LTBP1: variants seen among roughly 807,000 people sequenced by gnomAD.
The protein encoded by LTBP1 is latent-transforming growth factor beta-binding protein 1.
A neutral mutation model predicts 207.6 loss-of-function variants in LTBP1; 129 were observed. The ratio of observed to expected loss-of-function variants is 0.62; its 90% CI spans 0.54 to 0.72. The LOEUF is 0.72. Ranked by LOEUF, LTBP1 falls within the 30% of genes least tolerant of loss-of-function variation. The probability of loss-of-function intolerance (pLI) is 0.00; values close to 1 mark genes in which losing one functional copy is unlikely to be tolerated. For missense variants in LTBP1, 2,281 were observed against 2,217.2 expected (o/e 1.03, Z -0.58); for synonymous variants, 963 against 833.7 (o/e 1.16, Z -2.67).
intron 2 of LTBP1, among the ~76,000 whole-genome samples, chr2:32,999,946 A>T (rs1003516634): frequency 2.2e-5 from 3 of 134,792 alleles, no homozygotes; most frequent in African/African-American, 7.8e-5. Flanking sequence ...ACCAGGCCAC[A>T]GTGCTTCTCA....
At chr2:33,346,806 G>C (rs915404647) in intron 25 of LTBP1, among the ~76,000 whole-genome samples, 18 of 151,988 alleles carry the variant, frequency 1.2e-4, no homozygotes, top group Admixed American at 2.6e-4. Flanking sequence ...TACAATTCCA[G>C]AGTATCTTTT....
intron 8 of LTBP1, among the ~76,000 whole-genome samples, chr2:33,221,345 G>A (rs990522268): frequency 6.6e-6 from 1 of 152,200 alleles, no homozygotes; most frequent in African/African-American, 2.4e-5. Flanking sequence ...ATAGGAAGAG[G>A]ATTTGAAATC....
At chr2:32,993,878 C>T (rs1047588128) in intron 2 of LTBP1, among the ~76,000 whole-genome samples, 1 of 151,990 alleles carries the variant, frequency 6.6e-6, no homozygotes, top group African/African-American at 2.4e-5. Flanking sequence ...GTTGGGCATT[C>T]CTGCTACTTG....
chr2:33,072,991 G>A (rs1005300466), intron 3 of LTBP1, among the ~76,000 whole-genome samples: 2 of 152,208 alleles, frequency 1.3e-5, no homozygotes, highest in Admixed American at 6.5e-5. Context: ...CACCCCTGGG[G>A]GGAGTAGTCA....
intron 2 of LTBP1, among the ~76,000 whole-genome samples, chr2:32,989,655 C>T (rs944789309): frequency 6.6e-6 from 1 of 152,160 alleles, no homozygotes; most frequent in African/African-American, 2.4e-5. Flanking sequence ...AGTGCAGGGA[C>T]TTGTCAGTTG....
intron 28 of LTBP1, among the ~76,000 whole-genome samples, chr2:33,362,358 T>C (rs187096115): frequency 5.7e-4 from 86 of 151,988 alleles, no homozygotes; most frequent in African/African-American, 2.0e-3. Flanking sequence ...ACATCTATGA[T>C]TTGGTCCAAT....
At chr2:33,279,648 T>C (rs2093518311) in intron 18 of LTBP1, among the ~76,000 whole-genome samples, 1 of 152,186 alleles carries the variant, frequency 6.6e-6, no homozygotes, top group African/African-American at 2.4e-5. Flanking sequence ...AGAGAACCTC[T>C]AGCTGGGTGG....
chr2:33,320,473 G>C (rs919619792), intron 24 of LTBP1, among the ~76,000 whole-genome samples: 1 of 151,792 alleles, frequency 6.6e-6, no homozygotes, highest in Admixed American at 6.6e-5. Flanking sequence ...AAGCTGCTTT[G>C]ATGCTAACTG....
intron 5 of LTBP1, among the ~76,000 whole-genome samples, chr2:33,171,744 G>A (rs1572965110): frequency 6.6e-6 from 1 of 152,178 alleles, no homozygotes; most frequent in Non-Finnish European, 1.5e-5. Context: ...CAAATGTTAA[G>A]GGCAGCCAGA....
intron 22 of LTBP1, among the ~76,000 whole-genome samples, chr2:33,304,570 A>G (rs1438613955): frequency 6.6e-6 from 1 of 152,148 alleles, no homozygotes; most frequent in Non-Finnish European, 1.5e-5. Flanking sequence ...GTAGCTAGTC[A>G]TTCTGTGATA....
chr2:33,379,817 A>G (rs1350844509), intron 31 of LTBP1, among the ~76,000 whole-genome samples: 2 of 152,194 alleles, frequency 1.3e-5, no homozygotes, highest in African/African-American at 2.4e-5. Flanking sequence ...ATTGATTAGA[A>G]CTTGCTCTTC....
At chr2:33,209,904 G>T (rs1487535296) in intron 7 of LTBP1, among the ~76,000 whole-genome samples, 1 of 152,186 alleles carries the variant, frequency 6.6e-6, no homozygotes, top group East Asian at 1.9e-4. Context: ...CATGAAAAAC[G>T]GATGTCTCTA....
chr2:33,144,694 C>T (rs113669025), intron 5 of LTBP1, among the ~76,000 whole-genome samples: 213 of 152,292 alleles, frequency 1.4e-3, no homozygotes, highest in Middle Eastern at 3.4e-3. Context: ...TATTTGTAAT[C>T]ACATTTATGC....
intron 2 of LTBP1, among the ~76,000 whole-genome samples, chr2:32,985,521 C>G: frequency 6.6e-6 from 1 of 152,152 alleles, no homozygotes; most frequent in East Asian, 1.9e-4. Flanking sequence ...AGCTACCAAG[C>G]CTGGAGATGT....
chr2:33,270,562 C>T (rs182279825), intron 15 of LTBP1, among the ~76,000 whole-genome samples: 2 of 139,498 alleles, frequency 1.4e-5, no homozygotes, highest in African/African-American at 5.5e-5. Flanking sequence ...TGCACTCCAG[C>T]CTGGGTGACA....
At position 33,363,486 on chromosome 2, in the gene LTBP1, C is replaced by T. The variant is rs374132100; in HGVS notation, c.4367C>T (p.Thr1456Met). ...TATGAATGCTACTGTAAGCAAGGGA[C>T]GTACTATGATCCTGTGAAACTGCAG... ...PGYECYCKQGTYYDPVKLQCF... is the reference protein window; with the variant it reads ...PGYECYCKQGMYYDPVKLQCF... The change falls in exon 29 of 34, where the codon ACG (threonine) becomes ATG (methionine). Residue 1456 changes from threonine to methionine, a missense_variant. Physicochemically the swap from Thr to Met is moderately conservative, Grantham distance 81. Around this residue, in one of 3 missense-constraint regions of LTBP1, gnomAD observed 1,671 missense variants for 1,634.8 expected, o/e 1.02. Transcript: ENST00000404816. The T allele has an allele frequency of 4.2e-5, 67 of 1,613,620 alleles. No individual in the cohort carries two copies. Among genetic ancestry groups the T allele is most frequent in the African/African-American group, 1.1e-4 (8 of 74,858 alleles).
intron 18 of LTBP1, among the ~76,000 whole-genome samples, chr2:33,277,342 A>C (rs3769540): frequency 0.37 from 55,871 of 151,890 alleles, 11,206 homozygotes; most frequent in Admixed American, 0.43. Context: ...GCACAGGTGT[A>C]AAGTGTCTCC....
chr2:33,130,612 G>A (rs1324110763), intron 4 of LTBP1, among the ~76,000 whole-genome samples: 1 of 152,004 alleles, frequency 6.6e-6, no homozygotes, highest in African/African-American at 2.4e-5. Flanking sequence ...GAGGGGTATC[G>A]GCTTCACTTC....
chr2:33,007,927 A>G (rs892560751), intron 2 of LTBP1, among the ~76,000 whole-genome samples: 1 of 152,238 alleles, frequency 6.6e-6, no homozygotes, highest in Non-Finnish European at 1.5e-5. Context: ...CCACACAGCT[A>G]GTCAGTGTTG....
Sources: allele counts gnomAD v4.1 joint callset (sites outside exome capture counted in the v4.1 genomes callset), GRCh38; gene constraint gnomAD v4.1.1; regional missense constraint gnomAD v4.1.1; transcripts MANE v1.5; gene names NCBI Gene and HGNC (gene_info 2026-07-23, HGNC 2026-07-21).